FAM110B: variants seen among roughly 807,000 people sequenced by gnomAD.
The protein encoded by FAM110B is family with sequence similarity 110 member B, also known as protein FAM110B.
In FAM110B, 6 loss-of-function variants were observed where a neutral mutation model predicts 20.4. The ratio of observed to expected loss-of-function variants is 0.29; its 90% confidence interval spans 0.16 to 0.58. The LOEUF (loss-of-function observed/expected upper bound fraction) is 0.58, where lower values mean the gene tolerates loss of function less well. FAM110B is among the 20% of genes least tolerant of loss of function. The probability of loss-of-function intolerance (pLI) is 0.90; values close to 1 mark genes in which losing one functional copy is unlikely to be tolerated. For synonymous variants in FAM110B, 226 were observed against 214.1 expected, an observed-to-expected ratio of 1.06 and a Z score of -0.49; for missense variants, 434 against 498.2, an observed-to-expected ratio of 0.87 and a Z score of 1.23.
chr8:58,049,664 C>T lies in FAM110B; in HGVS notation c.-414+17961C>T, dbSNP rs78820608. On this transcript the variant is annotated intron_variant, in intron 2 of 3. Transcript: ENST00000519262. Reference sequence around the variant, plus strand: ...TAATATTGTACTGATTGAAATTGCTCGTTTCAATTCCTAACAGACTGTCTG... The same window carrying T: ...TAATATTGTACTGATTGAAATTGCTTGTTTCAATTCCTAACAGACTGTCTG... Among the ~76,000 whole-genome samples, 1,021 of 152,276 alleles carry T rather than the reference C, an allele frequency of 6.7e-3. 14 individuals are homozygous for T. Among genetic ancestry groups the T allele is most frequent in the African/African-American group, 0.023 (975 of 41,540 alleles).
chr8:58,085,015 G>A (rs78410495), intron 3 of FAM110B, among the ~76,000 whole-genome samples: 272 of 152,212 alleles, frequency 1.8e-3, no homozygotes, highest in African/African-American at 6.1e-3. Context: ...AGGATGCTAG[G>A]GCAGTCAGAG....
chr8:58,085,867 C>T (rs895175523), intron 3 of FAM110B, among the ~76,000 whole-genome samples: 1 of 152,044 alleles, frequency 6.6e-6, no homozygotes, highest in African/African-American at 2.4e-5. Flanking sequence ...GGCCAGTGCT[C>T]AATTAAAAAA....
chr8:58,124,533 A>G (rs1046568640), intron 3 of FAM110B, among the ~76,000 whole-genome samples: 2 of 152,210 alleles, frequency 1.3e-5, no homozygotes, highest in Non-Finnish European at 2.9e-5. Context: ...AATCTCAGAA[A>G]TGCTGTCATA....
At chr8:58,034,368 T>C (rs1444050156) in intron 2 of FAM110B, among the ~76,000 whole-genome samples, 1 of 152,238 alleles carries the variant, frequency 6.6e-6, no homozygotes, top group Non-Finnish European at 1.5e-5. Context: ...AGCTGACTTA[T>C]GGGTCGGAAG....
chr8:58,109,456 A>G (rs952123246), intron 3 of FAM110B, among the ~76,000 whole-genome samples: 2 of 152,236 alleles, frequency 1.3e-5, no homozygotes, highest in African/African-American at 4.8e-5. Context: ...GAAAAGGCAC[A>G]GTAGCTGTTT....
intron 3 of FAM110B, among the ~76,000 whole-genome samples, chr8:58,116,893 T>A (rs1428333948): frequency 6.6e-6 from 1 of 152,238 alleles, no homozygotes; most frequent in Non-Finnish European, 1.5e-5. Context: ...GCATCAGGAA[T>A]GGTTTGCTAA....
Position 57,994,536 on chromosome 8 carries a change from G to A in FAM110B, c.-782G>A, listed in dbSNP as rs915997167. On this transcript the variant is annotated 5_prime_UTR_variant, in exon 1 of 4. Coordinates refer to ENST00000519262, the MANE Select transcript of FAM110B (RefSeq NM_001377989.1). ...GTTCCCTCCCTCACTCTCCGGCGAA[G>A]CCTGCCTGAGCCCTCCCACTCGGTG... The A allele has an allele frequency of 6.6e-6, 1 of 152,430 alleles. No homozygotes were observed. Among genetic ancestry groups the A allele is most frequent in the Non-Finnish European group, 1.5e-5 (1 of 68,284 alleles). The allele number at this position is 152,430 out of a possible 1,614,324, so 9.4% of individuals were successfully genotyped here.
intron 3 of FAM110B, among the ~76,000 whole-genome samples, chr8:58,108,595 A>G (rs1806977206): frequency 6.6e-6 from 1 of 152,198 alleles, no homozygotes; most frequent in South Asian, 2.1e-4. Context: ...TGGTCTCCTC[A>G]GCTCTGGAGG....
intron 2 of FAM110B, among the ~76,000 whole-genome samples, chr8:58,041,844 T>C (rs1805227723): frequency 6.6e-6 from 1 of 152,244 alleles, no homozygotes; most frequent in African/African-American, 2.4e-5. Flanking sequence ...CACTAATCAC[T>C]TAACTGGCAG....
At chr8:58,016,254 T>C (rs1804634048) in intron 1 of FAM110B, among the ~76,000 whole-genome samples, 1 of 152,218 alleles carries the variant, frequency 6.6e-6, no homozygotes, top group Non-Finnish European at 1.5e-5. Context: ...ATTTGTATTA[T>C]CTATTGTTGC....
intron 2 of FAM110B, among the ~76,000 whole-genome samples, chr8:58,058,100 T>TA (rs1805584723): frequency 6.6e-6 from 1 of 152,254 alleles, no homozygotes; most frequent in African/African-American, 2.4e-5. Flanking sequence ...TACACTCCCT[T>TA]ATTAGTTGCA....
At chr8:58,140,249 T>A (rs183183370) in intron 3 of FAM110B, among the ~76,000 whole-genome samples, 1 of 152,272 alleles carries the variant, frequency 6.6e-6, no homozygotes, top group Non-Finnish European at 1.5e-5. Context: ...CAGCCCAGCG[T>A]GCCTCTTAAA....
chr8:58,117,930 G>A (rs1429714027), intron 3 of FAM110B, among the ~76,000 whole-genome samples: 1 of 152,104 alleles, frequency 6.6e-6, no homozygotes, highest in South Asian at 2.1e-4. Context: ...ATACAAGACA[G>A]CATGTTTAAA....
At chr8:58,084,416 A>T (rs554628910) in intron 3 of FAM110B, among the ~76,000 whole-genome samples, 81 of 141,192 alleles carry the variant, frequency 5.7e-4, no homozygotes, top group Non-Finnish European at 1.1e-3. Context: ...TTTGAGACGG[A>T]GTCTCACTCT....
chr8:58,139,919 G>C (rs1049579787), intron 3 of FAM110B, among the ~76,000 whole-genome samples: 1 of 151,910 alleles, frequency 6.6e-6, no homozygotes, highest in Non-Finnish European at 1.5e-5. Flanking sequence ...AACAGAACGA[G>C]ACTCTGTTTT....
At chr8:58,080,506 A>G (rs944647985) in intron 3 of FAM110B, among the ~76,000 whole-genome samples, 1 of 152,164 alleles carries the variant, frequency 6.6e-6, no homozygotes, top group Non-Finnish European at 1.5e-5. Context: ...TTTCTTTTCA[A>G]CCTGTAAATC....
Position 58,147,472 on chromosome 8 carries a change from C to T in FAM110B, c.*129C>T. 1.7e-6 allele frequency: 2 copies of T among 1,172,700 alleles called. No homozygotes were observed. The highest frequency in any genetic ancestry group is 2.4e-6 in the Non-Finnish European group (2 of 838,940). The allele number at this position is 1,172,700 out of a possible 1,614,324, so 72.6% of individuals were successfully genotyped here. On this transcript the variant is annotated 3_prime_UTR_variant, in exon 4 of 4. Transcript: ENST00000519262. ...CTTGTTGTGCAATGTTTTCAAGTTG[C>T]ATGCTTGTCAACATGGGGACTGACC...
chr8:58,117,164 G>A (rs16923059), intron 3 of FAM110B, among the ~76,000 whole-genome samples: 41,370 of 152,046 alleles, frequency 0.27, 6,758 homozygotes, highest in African/African-American at 0.46. Context: ...ACCAATTAGG[G>A]AATCTCAGTG....
In FAM110B at chr8:58,146,814, A is replaced by C. The variant is rs369797232; in HGVS notation, c.584A>C (p.His195Pro). Residue 195 changes from histidine (H) to proline (P), a missense_variant, in exon 4 of 4, where the codon CAC (histidine) becomes CCC (proline). Around this residue, in one of 3 missense-constraint regions of FAM110B, gnomAD observed 284 missense variants for 278.3 expected, o/e 1.02. Transcript: ENST00000519262. ...LLEQSAESFL[H>P]VSHSSSDIRK... ...GAGCAGTCAGCCGAGTCCTTCCTCC[A>C]CGTGTCCCACAGCTCTTCGGACATC... 3.7e-6 allele frequency: 6 copies of C among 1,610,538 alleles called. No homozygotes were observed. Among genetic ancestry groups the C allele is most frequent in the East Asian group, 2.2e-5 (1 of 44,778 alleles).
Sources: allele counts gnomAD v4.1 joint callset (sites outside exome capture counted in the v4.1 genomes callset), GRCh38; gene constraint gnomAD v4.1.1; regional missense constraint gnomAD v4.1.1; transcripts MANE v1.5; gene names NCBI Gene and HGNC (gene_info 2026-07-23, HGNC 2026-07-21).